PSMB1: variants seen among roughly 807,000 people sequenced by gnomAD.
PSMB1 encodes the protein proteasome 20S subunit beta 1, also known as proteasome subunit beta type-1.
In PSMB1, 7 loss-of-function variants were observed where a neutral mutation model predicts 25.4. The observed-to-expected ratio is 0.28, with a 90% CI of 0.16 to 0.52. The LOEUF (loss-of-function observed/expected upper bound fraction) is 0.52, where lower values mean the gene tolerates loss of function less well. Ranked by LOEUF, PSMB1 falls within the 20% of genes least tolerant of loss-of-function variation. The probability of loss-of-function intolerance (pLI) is 0.97; values close to 1 mark genes in which losing one functional copy is unlikely to be tolerated. For synonymous variants in PSMB1, 119 were observed against 115.0 expected, an observed-to-expected ratio of 1.03 and a Z score of -0.22; for missense variants, 284 against 302.2, an observed-to-expected ratio of 0.94 and a Z score of 0.45.
At chr6:170,547,426 A>G (rs571507392) in intron 2 of PSMB1, among the ~76,000 whole-genome samples, 1 of 152,350 alleles carries the variant, frequency 6.6e-6, no homozygotes, top group South Asian at 2.1e-4. Flanking sequence ...ATATGAATCT[A>G]TAAAGAAACC....
chr6:170,545,719 A>G (rs1010306894), intron 3 of PSMB1, among the ~76,000 whole-genome samples: 22 of 152,204 alleles, frequency 1.4e-4, no homozygotes, highest in Non-Finnish European at 3.2e-4. Context: ...TAAAGAGGAA[A>G]AGCTTGTCAA....
rs1246194438 is a variant in PSMB1 at position 170,553,216 on chromosome 6, C to A, written c.27G>T (p.Ser9=). ...CCATCCCCAAGTCTCTGCCAGGAGC[C>A]GAATACATGGCTGTAGAGGACAACA... MLSSTAMY[S]APGRDLGMEP... Residue 9 remains serine (S), a synonymous_variant, in exon 1 of 6, where the codon TCG becomes TCT. Coordinates refer to ENST00000262193, the MANE Select transcript of PSMB1 (RefSeq NM_002793.4). 1 of 1,613,428 alleles carries A rather than the reference C, an allele frequency of 6.2e-7. No homozygotes were observed. The highest frequency in any genetic ancestry group is 8.5e-7 in the Non-Finnish European group (1 of 1,179,746).
At chr6:170,543,570 CCCA>C in intron 4 of PSMB1, 28 bp downstream of exon 4, 1 of 1,573,796 alleles carries the variant, frequency 6.4e-7, no homozygotes, top group Non-Finnish European at 8.7e-7. Flanking sequence ...ACTCCTCCCC[CCCA>C]CCATTTTCCA....
intron 1 of PSMB1, among the ~76,000 whole-genome samples, chr6:170,551,785 C>T (rs1230511923): frequency 6.6e-6 from 1 of 152,180 alleles, no homozygotes; most frequent in Non-Finnish European, 1.5e-5. Context: ...GACAGTTTAA[C>T]GTCTAATATA....
At position 170,544,021 on chromosome 6, in the gene PSMB1, G is replaced by C. The variant is rs1470607146; in HGVS notation, c.304-291C>G. Among the ~76,000 whole-genome samples the C allele has an allele frequency of 2.0e-5, 3 of 152,164 alleles. No homozygotes were observed. In the East Asian group the frequency reaches 5.8e-4, roughly 29 times the overall value. On this transcript the variant is annotated intron_variant, in intron 3 of 5. Transcript: ENST00000262193. ...TGAAAGGGCACATGAAGTGGCCTAA[G>C]GAAGATGGGTTTAAATCCATCTCTC...
At chr6:170,539,145 C>A (rs571871236) in intron 4 of PSMB1, among the ~76,000 whole-genome samples, 1 of 152,266 alleles carries the variant, frequency 6.6e-6, no homozygotes, top group African/African-American at 2.4e-5. Context: ...ATCTTGATTA[C>A]AAAGTGCTTT....
intron 3 of PSMB1, 144 bp from the exon 4 acceptor site, chr6:170,543,874 A>G (rs1778785339): frequency 3.5e-6 from 3 of 869,524 alleles, no homozygotes; most frequent in African/African-American, 3.5e-5. Flanking sequence ...CAACCAACAC[A>G]GTATTACTAA....
In PSMB1 at chr6:170,553,000, AC is replaced by A. The variant is rs1778933419; in HGVS notation, c.113+129del. On this transcript the variant is annotated intron_variant, in intron 1 of 5. Coordinates refer to ENST00000262193, the MANE Select transcript of PSMB1 (RefSeq NM_002793.4). ...CGGCAGGGAGACCGGCCTTGTGCGG[AC>A]CCCCTCAGCTCAGGGTTCTGAGGCC... 4.5e-5 allele frequency: 32 copies of A among 711,644 alleles called. No individual in the cohort carries two copies. In the South Asian group the frequency reaches 5.6e-4, roughly 12 times the overall value. 44.1% of individuals were successfully genotyped at this position (711,644 alleles called of 1,614,324 possible).
chr6:170,545,369 T>C (rs1778805412), intron 3 of PSMB1, among the ~76,000 whole-genome samples: 1 of 152,198 alleles, frequency 6.6e-6, no homozygotes, highest in South Asian at 2.1e-4. Flanking sequence ...TGCCAATAAA[T>C]GTAAGTCACT....
intron 1 of PSMB1, among the ~76,000 whole-genome samples, chr6:170,551,160 A>G (rs1343642318): frequency 6.6e-6 from 1 of 152,040 alleles, no homozygotes; most frequent in Non-Finnish European, 1.5e-5. Flanking sequence ...AGAAGAAAGG[A>G]GAAGAGGAGA....
At chr6:170,541,359 C>T (rs1183784172) in intron 4 of PSMB1, among the ~76,000 whole-genome samples, 1 of 151,998 alleles carries the variant, frequency 6.6e-6, no homozygotes, top group African/African-American at 2.4e-5. Flanking sequence ...TTAATGCATG[C>T]TACTTGGCGC....
chr6:170,542,238 G>T (rs765802119), intron 4 of PSMB1, among the ~76,000 whole-genome samples: 1 of 152,170 alleles, frequency 6.6e-6, no homozygotes, highest in Non-Finnish European at 1.5e-5. Flanking sequence ...TATGGGGGCG[G>T]ATGTTAAGAG....
In PSMB1 at chr6:170,553,282, C is replaced by G. The variant is rs1412276358; in HGVS notation, c.-40G>C. The G allele has an allele frequency of 2.7e-6, 4 of 1,480,968 alleles. No individual in the cohort carries two copies. The highest frequency in any genetic ancestry group is 3.7e-6 in the Non-Finnish European group (4 of 1,072,284). 91.7% of individuals were successfully genotyped at this position (1,480,968 alleles called of 1,614,324 possible). A position where few individuals can be genotyped will look rare whatever the true frequency, so the allele number is the denominator to read the frequency against. ...TGCGGATCCGACACTTGCTGTCTCA[C>G]GGCGAGATGGCTGCCTTGACCGGAC... On this transcript the variant is annotated 5_prime_UTR_variant, in exon 1 of 6. Transcript: ENST00000262193.
intron 4 of PSMB1, among the ~76,000 whole-genome samples, chr6:170,541,774 G>A (rs756519): frequency 0.34 from 51,285 of 152,072 alleles, 9,966 homozygotes; most frequent in East Asian, 0.73. Context: ...CTGTTACATG[G>A]AAATCAAAGA....
chr6:170,537,584 C>T (rs150901678), intron 4 of PSMB1, among the ~76,000 whole-genome samples: 50 of 152,232 alleles, frequency 3.3e-4, no homozygotes, highest in East Asian at 2.5e-3. Context: ...CCCCAATCCC[C>T]GTGTTGGTGT....
intron 4 of PSMB1, 82 bp downstream of exon 4, chr6:170,543,519 C>G: frequency 7.7e-7 from 1 of 1,300,650 alleles, no homozygotes; most frequent in Non-Finnish European, 1.0e-6. Context: ...ATTTATGGTT[C>G]TTTTCAACTC....
At chr6:170,537,615 A>G (rs1392612394) in intron 4 of PSMB1, among the ~76,000 whole-genome samples, 1 of 152,218 alleles carries the variant, frequency 6.6e-6, no homozygotes, top group Non-Finnish European at 1.5e-5. Flanking sequence ...GGTAAACTGT[A>G]GGCTTGGGAG....
intron 4 of PSMB1, 63 bp downstream of exon 4, chr6:170,543,538 T>C: frequency 3.5e-6 from 5 of 1,438,424 alleles, no homozygotes; most frequent in Non-Finnish European, 4.8e-6. Context: ...TCTAGATGGA[T>C]ACACACATCT....
intron 1 of PSMB1, among the ~76,000 whole-genome samples, chr6:170,552,363 C>G (rs1778915358): frequency 6.6e-6 from 1 of 152,200 alleles, no homozygotes; most frequent in African/African-American, 2.4e-5. Context: ...TTCTATAACC[C>G]TAAATCTCTG....
Sources: allele counts gnomAD v4.1 joint callset (sites outside exome capture counted in the v4.1 genomes callset), GRCh38; gene constraint gnomAD v4.1.1; transcripts MANE v1.5; gene names NCBI Gene and HGNC (gene_info 2026-07-23, HGNC 2026-07-21).